CER1: variants seen among roughly 807,000 people sequenced by gnomAD.
CER1 encodes cerberus 1, DAN family BMP antagonist, also known as cerberus.
A neutral mutation model predicts 11.8 loss-of-function variants in CER1; 10 were observed. That is an observed-to-expected ratio of 0.85 (90% CI 0.52 to 1.44). CER1 has a LOEUF of 1.44. Ranked by LOEUF, CER1 falls within the 40% of genes most tolerant of loss-of-function variation. The pLI, the probability that CER1 is intolerant of heterozygous loss-of-function variation, is 0.00. For missense variants in CER1, 431 were observed against 327.0 expected (o/e 1.32, Z -2.45); for synonymous variants, 141 against 122.3 (o/e 1.15, Z -1.01).
At position 14,722,717 on chromosome 9, in the gene CER1, G is replaced by C. The variant is rs1840033392; in HGVS notation, c.-45C>G. The stretch of plus-strand genomic sequence containing the variant: ...TCTTTTGTAAATGATGAGGCCCAAA[G>C]GAGAGGCTCATTCTCTGCAGGACTG... On this transcript the variant is annotated 5_prime_UTR_variant, in exon 1 of 2. Coordinates refer to ENST00000380911, the MANE Select transcript of CER1 (RefSeq NM_005454.3). The C allele has an allele frequency of 6.5e-7, 1 of 1,547,902 alleles. No homozygotes were observed. The highest frequency in any genetic ancestry group is 8.6e-7 in the Non-Finnish European group (1 of 1,158,890).
chr9:14,720,302 C>T lies in CER1; in HGVS notation c.592G>A (p.Ala198Thr). Residue 198 changes from alanine (A) to threonine (T), a missense_variant, in exon 2 of 2, where the codon GCC becomes ACC. Transcript: ENST00000380911. ...CAGGAGGTATGGGAGTGCTGCGCGG[C>T]TCCAGGAAAATGAACAGACCCGCAT... ...GKCGSVHFPG[A>T]AQHSHTSCSH... 6.2e-7 allele frequency: 1 copy of T among 1,614,090 alleles called. No individual in the cohort carries two copies. Among genetic ancestry groups the T allele is most frequent in the Non-Finnish European group, 8.5e-7 (1 of 1,180,042 alleles).
At chr9:14,717,385 C>T (rs1261103784), downstream of CER1, among the ~76,000 whole-genome samples, 1 of 151,974 alleles carries the variant, frequency 6.6e-6, no homozygotes, top group South Asian at 2.1e-4. Context: ...TTATTATTTG[C>T]GCTTTTCCGT....
At position 14,720,387 on chromosome 9, in the gene CER1, C is replaced by A. The variant is rs1360993391; in HGVS notation, c.508-1G>T. The A allele has an allele frequency of 1.2e-6, 2 of 1,604,512 alleles. No individual in the cohort carries two copies. The highest frequency in any genetic ancestry group is 1.7e-6 in the Non-Finnish European group (2 of 1,172,942). ...TTTCACAGCCTTCGTGGGTTATAGT[C>A]TAAAAAGCAAACACATTTCCATTAC... On this transcript the variant is annotated splice_acceptor_variant, in intron 1 of 1. Transcript: ENST00000380911. LOFTEE classifies it high-confidence loss of function.
intron 1 of CER1, 84 bp downstream of exon 1, chr9:14,722,082 C>G: frequency 5.5e-6 from 8 of 1,447,276 alleles, no homozygotes; most frequent in Non-Finnish European, 7.5e-6. Flanking sequence ...AGGCTCCTGA[C>G]AGCCTTTTCC....
In CER1 at chr9:14,722,334, G is replaced by C. The variant is rs748826235; in HGVS notation, c.339C>G (p.Ile113Met). Residue 113 changes from isoleucine (I) to methionine (M), a missense_variant, in exon 1 of 2, where the codon ATC becomes ATG. Transcript: ENST00000380911. ...CCATTTTCATTCCATCTATCGGCTGGATGAGGGACTGGGTCCCAGGTGGGA... is the reference window on the plus strand; with the variant it reads ...CCATTTTCATTCCATCTATCGGCTGCATGAGGGACTGGGTCCCAGGTGGGA... ...EPFPPGTQSL[I>M]QPIDGMKMEK... The C allele has an allele frequency of 4.3e-6, 7 of 1,614,104 alleles. No homozygotes were observed. The highest frequency in any genetic ancestry group is 1.1e-5 in the South Asian group (1 of 91,094).
In CER1 at chr9:14,719,948, C is replaced by T. The variant is rs77941642; in HGVS notation, c.*142G>A. Reference sequence around the variant, plus strand: ...ACCAATAACTAGACTAATATCATTTCCTCTATCGTTCTAATTTAAAACTAC... The same window carrying T: ...ACCAATAACTAGACTAATATCATTTTCTCTATCGTTCTAATTTAAAACTAC... On this transcript the variant is annotated 3_prime_UTR_variant, in exon 2 of 2. Coordinates refer to ENST00000380911, the MANE Select transcript of CER1 (RefSeq NM_005454.3). 348 of 716,234 alleles carry T rather than the reference C, an allele frequency of 4.9e-4. No homozygotes were observed. The African/African-American group carries it at 5.7e-3, about 12-fold the overall frequency. The allele number at this position is 716,234 out of a possible 1,614,324, so 44.4% of individuals were successfully genotyped here. A position where few individuals can be genotyped will look rare whatever the true frequency, so the allele number is the denominator to read the frequency against.
intron 1 of CER1, among the ~76,000 whole-genome samples, chr9:14,721,232 C>T (rs546122689): frequency 8.5e-5 from 13 of 152,092 alleles, no homozygotes; most frequent in Admixed American, 2.0e-4. Context: ...TAGCATTACT[C>T]GACTATAAAA....
downstream of CER1, among the ~76,000 whole-genome samples, chr9:14,719,405 G>A (rs947207981): frequency 2.2e-4 from 34 of 152,172 alleles, no homozygotes; most frequent in African/African-American, 7.7e-4. Context: ...CCTTACATCT[G>A]TGGAAAGACT....
chr9:14,720,256 T>C lies in CER1; in HGVS notation c.638A>G (p.Lys213Arg), dbSNP rs1466231541. 1.2e-6 allele frequency: 2 copies of C among 1,614,106 alleles called. No homozygotes were observed. Among genetic ancestry groups the C allele is most frequent in the Admixed American group, 1.7e-5 (1 of 60,012 alleles). Residue 213 changes from lysine to arginine, a missense_variant, in exon 2 of 2, where the codon AAG (lysine) becomes AGG (arginine). By Grantham distance (26) the Lys-to-Arg change is conservative. Coordinates refer to ENST00000380911, the MANE Select transcript of CER1 (RefSeq NM_005454.3). Reference sequence around the variant, plus strand: ...CAGTGGCAAGTGCATCGTGGTGAACTTGGCAGGCAAACAGTGAGAGCAGGA... The same window carrying C: ...CAGTGGCAAGTGCATCGTGGTGAACCTGGCAGGCAAACAGTGAGAGCAGGA... ...HTSCSHCLPA[K>R]FTTMHLPLNC...
Position 14,720,044 on chromosome 9 carries a change from T to G in CER1, c.*46A>C. On this transcript the variant is annotated 3_prime_UTR_variant, in exon 2 of 2. Coordinates refer to ENST00000380911, the MANE Select transcript of CER1 (RefSeq NM_005454.3). ...TTTTCAGACTGAATAATCAGCATCTTTGCTGTTGTGGTTTTGCTTTTCAAA... is the reference window on the plus strand; with the variant it reads ...TTTTCAGACTGAATAATCAGCATCTGTGCTGTTGTGGTTTTGCTTTTCAAA... 1.3e-6 allele frequency: 2 copies of G among 1,566,576 alleles called. No individual in the cohort carries two copies. Among genetic ancestry groups the G allele is most frequent in the Non-Finnish European group, 1.8e-6 (2 of 1,139,670 alleles).
chr9:14,721,250 C>G (rs1212031519), intron 1 of CER1, among the ~76,000 whole-genome samples: 1 of 152,158 alleles, frequency 6.6e-6, no homozygotes, highest in Non-Finnish European at 1.5e-5. Context: ...AAATTTTACT[C>G]TACCCTGCAT....
At chr9:14,719,304 C>T (rs186591656), downstream of CER1, among the ~76,000 whole-genome samples, 42 of 152,230 alleles carry the variant, frequency 2.8e-4, 4 homozygotes, top group African/African-American at 9.9e-4. Context: ...CTAAAATTAA[C>T]ATCACTGTTC....
At chr9:14,719,561 G>GCCTGCCTTCCTT (rs1839977563), downstream of CER1, among the ~76,000 whole-genome samples, 126 of 62,510 alleles carry the variant, frequency 2.0e-3, no homozygotes, top group South Asian at 3.9e-3. Context: ...CTGCCTGCCT[G>GCCTGCCTTCCTT]CCTTCCTTCC....
At position 14,719,904 on chromosome 9, in the gene CER1, G is replaced by A; in HGVS notation, c.*186C>T. The A allele has an allele frequency of 3.4e-6, 2 of 587,112 alleles. No homozygotes were observed. Among genetic ancestry groups the A allele is most frequent in the Admixed American group, 3.0e-5 (1 of 33,624 alleles). 36.4% of individuals were successfully genotyped at this position (587,112 alleles called of 1,614,324 possible). A position where few individuals can be genotyped will look rare whatever the true frequency, so the allele number is the denominator to read the frequency against. ...TACGGCTAGTTAGTGGCAGAGCTGAGACAAGGTCTCAAACGTGTACCAATA... is the reference window on the plus strand; with the variant it reads ...TACGGCTAGTTAGTGGCAGAGCTGAAACAAGGTCTCAAACGTGTACCAATA... On this transcript the variant is annotated 3_prime_UTR_variant, in exon 2 of 2. Transcript: ENST00000380911.
downstream of CER1, chr9:14,719,714 C>T (rs976829369): frequency 1.1e-5 from 2 of 180,632 alleles, no homozygotes; most frequent in East Asian, 1.2e-4. Context: ...TTTATGGTCT[C>T]GCTTATTTCT....
chr9:14,717,454 A>C (rs1839953502), downstream of CER1, among the ~76,000 whole-genome samples: 1 of 152,172 alleles, frequency 6.6e-6, no homozygotes, highest in Admixed American at 6.5e-5. Flanking sequence ...GAAAAGAATA[A>C]ATTAATCCCT....
Position 14,722,704 on chromosome 9 carries a change from G to T in CER1, c.-32C>A. ...AGGGGCCCAAGCTTCTTTTGTAAAT[G>T]ATGAGGCCCAAAGGAGAGGCTCATT... is the stretch of plus-strand genomic sequence containing the variant. On this transcript the variant is annotated 5_prime_UTR_variant, in exon 1 of 2. Coordinates refer to ENST00000380911, the MANE Select transcript of CER1 (RefSeq NM_005454.3). 6.4e-7 allele frequency: 1 copy of T among 1,567,672 alleles called. No individual in the cohort carries two copies. Among genetic ancestry groups the T allele is most frequent in the South Asian group, 1.2e-5 (1 of 83,854 alleles).
downstream of CER1, among the ~76,000 whole-genome samples, chr9:14,717,757 A>G (rs1273439612): frequency 6.6e-6 from 1 of 152,250 alleles, no homozygotes; most frequent in Non-Finnish European, 1.5e-5. Context: ...GACCTGGAAG[A>G]GTTCAATATA....
At position 14,722,461 on chromosome 9, in the gene CER1, T is replaced by TC; in HGVS notation, c.211dup (p.Glu71GlyfsTer21). ...CATCTTCTCTCTCTGCCTCTGGCCT[T>TC]CCCCTGCAGGGCTGGTGGCTACAAG... On this transcript the variant is annotated frameshift_variant, in exon 1 of 2. Coordinates refer to ENST00000380911, the MANE Select transcript of CER1 (RefSeq NM_005454.3). LOFTEE classifies it high-confidence loss of function. 2 of 1,614,186 alleles carry TC rather than the reference T, an allele frequency of 1.2e-6. No individual in the cohort carries two copies. Among genetic ancestry groups the TC allele is most frequent in the Non-Finnish European group, 1.7e-6 (2 of 1,180,034 alleles).
Sources: allele counts gnomAD v4.1 joint callset (sites outside exome capture counted in the v4.1 genomes callset), GRCh38; gene constraint gnomAD v4.1.1; transcripts MANE v1.5; gene names NCBI Gene and HGNC (gene_info 2026-07-23, HGNC 2026-07-21).